BTBD9: variants seen among roughly 807,000 people sequenced by gnomAD.
BTBD9 encodes the protein BTB domain containing 9.
In BTBD9, 49 loss-of-function variants were observed where a neutral mutation model predicts 64.3. The observed-to-expected ratio is 0.76, with a 90% CI of 0.61 to 0.97. The LOEUF is 0.97. BTBD9 is among the 50% of genes least tolerant of loss of function. The pLI is 0.00. For synonymous variants in BTBD9, 260 were observed against 274.7 expected (o/e 0.95, Z 0.53); for missense variants, 598 against 762.1 (o/e 0.78, Z 2.53).
intron 9 of BTBD9, among the ~76,000 whole-genome samples, chr6:38,224,778 A>G (rs1228826306): frequency 1.3e-5 from 2 of 152,240 alleles, no homozygotes; most frequent in Non-Finnish European, 2.9e-5. Context: ...AGAGCTATCC[A>G]AATATCACCC....
intron 8 of BTBD9, among the ~76,000 whole-genome samples, chr6:38,282,424 T>G (rs1338960716): frequency 1.3e-5 from 2 of 152,116 alleles, no homozygotes; most frequent in African/African-American, 2.4e-5. Flanking sequence ...AAATGGTAAG[T>G]TAGGACACCT....
chr6:38,277,134 CGTG>C (rs1306875624), intron 8 of BTBD9, among the ~76,000 whole-genome samples: 1 of 152,112 alleles, frequency 6.6e-6, no homozygotes, highest in Non-Finnish European at 1.5e-5. Flanking sequence ...CAAATTTCAT[CGTG>C]GCATGAATTA....
intron 7 of BTBD9, among the ~76,000 whole-genome samples, chr6:38,337,445 T>C (rs896540349): frequency 6.6e-6 from 1 of 152,254 alleles, no homozygotes; most frequent in Admixed American, 6.5e-5. Flanking sequence ...GGAAACGGTA[T>C]TATTGCTATG....
rs148636948 is a variant in BTBD9 at position 38,296,893 on chromosome 6, T to G, written c.1265-8432A>C. 1.2e-4 allele frequency among the ~76,000 whole-genome samples: 19 copies of G among 152,342 alleles called. No individual in the cohort carries two copies. The East Asian group carries it at 3.7e-3, about 29-fold the overall frequency. On this transcript the variant is annotated intron_variant, in intron 7 of 10. Transcript: ENST00000481247. ...GTGTCCGATGTGACTTCGTAAAATC[T>G]TAGATTTACTTTGTGGTCTAGTACA...
chr6:38,510,801 T>G (rs1209687853), intron 6 of BTBD9, among the ~76,000 whole-genome samples: 1 of 152,152 alleles, frequency 6.6e-6, no homozygotes, highest in African/African-American at 2.4e-5. Flanking sequence ...GTCTTCCACC[T>G]CCACATCTTG....
chr6:38,452,987 T>A (rs1769624721), intron 6 of BTBD9, among the ~76,000 whole-genome samples: 1 of 152,174 alleles, frequency 6.6e-6, no homozygotes, highest in African/African-American at 2.4e-5. Flanking sequence ...TCCTAACTTG[T>A]AAGAAGTGCA....
At chr6:38,239,458 A>AT (rs1240157086) in intron 9 of BTBD9, among the ~76,000 whole-genome samples, 3 of 147,234 alleles carry the variant, frequency 2.0e-5, no homozygotes, top group East Asian at 2.3e-4. Flanking sequence ...AAAAAAAAAA[A>AT]AAGATATAAT....
intron 5 of BTBD9, among the ~76,000 whole-genome samples, chr6:38,578,747 G>A (rs1201554406): frequency 6.6e-6 from 1 of 152,090 alleles, no homozygotes; most frequent in East Asian, 1.9e-4. Context: ...TTTCACCTTT[G>A]CTTAGAATGG....
rs752489554 is a variant in BTBD9 at position 38,594,078 on chromosome 6, A to C, written c.435T>G (p.Thr145=). Residue 145 remains threonine (T), a synonymous_variant, in exon 3 of 11, where the codon ACT becomes ACG. Transcript: ENST00000481247. ...GTGAGTAGAGACTGGCAACATCAAA[A>C]GTCATGCAGACATTCTGAATGTTAA... ...TILNIQNVCM[T]FDVASLYSLP... 6.2e-7 allele frequency: 1 copy of C among 1,614,174 alleles called. No homozygotes were observed. The highest frequency in any genetic ancestry group is 1.1e-5 in the South Asian group (1 of 91,082).
At chr6:38,210,621 C>T (rs1032993529) in intron 9 of BTBD9, among the ~76,000 whole-genome samples, 5 of 151,418 alleles carry the variant, frequency 3.3e-5, no homozygotes, top group Admixed American at 6.6e-5. Context: ...AAAGAGGAGA[C>T]GCCTAGTCAA....
chr6:38,440,124 T>A (rs945776419), intron 6 of BTBD9, among the ~76,000 whole-genome samples: 1 of 152,158 alleles, frequency 6.6e-6, no homozygotes, highest in Admixed American at 6.5e-5. Context: ...AAGCTGGATA[T>A]ATAGATTTGG....
chr6:38,494,850 A>G (rs1771880121), intron 6 of BTBD9, among the ~76,000 whole-genome samples: 1 of 152,236 alleles, frequency 6.6e-6, no homozygotes, highest in South Asian at 2.1e-4. Flanking sequence ...TCACAATGAA[A>G]AGAGATCATA....
At chr6:38,526,242 G>A (rs192806108) in intron 6 of BTBD9, among the ~76,000 whole-genome samples, 1 of 152,358 alleles carries the variant, frequency 6.6e-6, no homozygotes, top group East Asian at 1.9e-4. Flanking sequence ...AGCTTGGGCT[G>A]TTGCTTCAGA....
At chr6:38,250,674 G>A (rs1764359429) in intron 9 of BTBD9, among the ~76,000 whole-genome samples, 1 of 152,210 alleles carries the variant, frequency 6.6e-6, no homozygotes, top group South Asian at 2.1e-4. Context: ...GCTAACAGAA[G>A]ATGAGAAGTA....
chr6:38,384,438 C>T (rs1057205704), intron 6 of BTBD9, among the ~76,000 whole-genome samples: 1 of 152,128 alleles, frequency 6.6e-6, no homozygotes, highest in Non-Finnish European at 1.5e-5. Context: ...TTCCTCTGAG[C>T]TTAGGCCTTT....
intron 10 of BTBD9, among the ~76,000 whole-genome samples, chr6:38,182,340 T>C (rs2064058464): frequency 6.6e-6 from 1 of 152,182 alleles, no homozygotes; most frequent in South Asian, 2.1e-4. Context: ...CACTCCAGAG[T>C]TCCAGGGAGA....
chr6:38,254,601 C>T (rs1764512380), intron 9 of BTBD9, among the ~76,000 whole-genome samples: 1 of 152,190 alleles, frequency 6.6e-6, no homozygotes, highest in Admixed American at 6.5e-5. Context: ...TGCACCACTG[C>T]ACTCCAGTCT....
chr6:38,253,222 A>G (rs1764461495), intron 9 of BTBD9, among the ~76,000 whole-genome samples: 1 of 152,232 alleles, frequency 6.6e-6, no homozygotes, highest in Non-Finnish European at 1.5e-5. Context: ...TGAGTAACTG[A>G]TAAACAAAGA....
At chr6:38,177,488 A>G (rs1013211510) in intron 10 of BTBD9, among the ~76,000 whole-genome samples, 1 of 152,214 alleles carries the variant, frequency 6.6e-6, no homozygotes, top group African/African-American at 2.4e-5. Context: ...CTTGCACAAG[A>G]ATAAACAAAT....
Sources: allele counts gnomAD v4.1 joint callset (sites outside exome capture counted in the v4.1 genomes callset), GRCh38; gene constraint gnomAD v4.1.1; transcripts MANE v1.5; gene names NCBI Gene and HGNC (gene_info 2026-07-23, HGNC 2026-07-21).